DLG2: variants seen among roughly 807,000 people sequenced by gnomAD.
DLG2 encodes disks large homolog 2.
A neutral mutation model predicts 132.5 loss-of-function variants in DLG2; 45 were observed. That is an observed-to-expected ratio of 0.34 (90% CI 0.27 to 0.44). DLG2 has a LOEUF of 0.44. Ranked by LOEUF, DLG2 falls within the 20% of genes least tolerant of loss-of-function variation. The pLI, the probability that DLG2 is intolerant of heterozygous loss-of-function variation, is 1.00. For synonymous variants in DLG2, 424 were observed against 419.6 expected (o/e 1.01, Z -0.13); for missense variants, 1,045 against 1,196.9 (o/e 0.87, Z 1.87).
intron 6 of DLG2, among the ~76,000 whole-genome samples, chr11:84,986,023 A>C (rs1240978595): frequency 6.9e-6 from 1 of 145,658 alleles, no homozygotes; most frequent in Non-Finnish European, 1.5e-5. Context: ...AAAAAAGATG[A>C]AGAGAAGATA....
At chr11:84,004,942 A>G (rs1188567183) in intron 11 of DLG2, among the ~76,000 whole-genome samples, 2 of 48,734 alleles carry the variant, frequency 4.1e-5, no homozygotes, top group East Asian at 6.6e-4. Context: ...AAATTTATAT[A>G]GAATCAAAAA....
chr11:84,194,432 G>A (rs886815320), intron 8 of DLG2, among the ~76,000 whole-genome samples: 1 of 152,128 alleles, frequency 6.6e-6, no homozygotes, highest in African/African-American at 2.4e-5. Flanking sequence ...TCATAAAGGT[G>A]GCACAGACCC....
chr11:85,509,682 T>A (rs1728077386), intron 3 of DLG2, among the ~76,000 whole-genome samples: 1 of 152,098 alleles, frequency 6.6e-6, no homozygotes, highest in African/African-American at 2.4e-5. Context: ...AAATATTTAC[T>A]GCATACCTGC....
At chr11:84,813,077 C>T (rs1194712506) in intron 6 of DLG2, among the ~76,000 whole-genome samples, 2 of 152,070 alleles carry the variant, frequency 1.3e-5, no homozygotes, top group Admixed American at 6.6e-5. Flanking sequence ...CTTCTAGATC[C>T]ACTGGCATAT....
At chr11:83,972,061 G>A (rs916211603) in intron 12 of DLG2, among the ~76,000 whole-genome samples, 4 of 152,140 alleles carry the variant, frequency 2.6e-5, no homozygotes, top group African/African-American at 9.6e-5. Context: ...ACACACAGCA[G>A]CATCTCATGA....
At chr11:85,163,492 T>C (rs2078197728) in intron 4 of DLG2, among the ~76,000 whole-genome samples, 1 of 152,120 alleles carries the variant, frequency 6.6e-6, no homozygotes, top group South Asian at 2.1e-4. Flanking sequence ...CATGAAGGCT[T>C]CCTGAAAGAT....
At chr11:83,478,344 A>G (rs778483821) in intron 22 of DLG2, among the ~76,000 whole-genome samples, 15 of 152,086 alleles carry the variant, frequency 9.9e-5, no homozygotes, top group Non-Finnish European at 1.8e-4. Context: ...TCAAGCCAAT[A>G]GAGATAATTA....
chr11:83,790,100 C>A (rs551978814), intron 17 of DLG2: 11 of 978,756 alleles, frequency 1.1e-5, no homozygotes, highest in Middle Eastern at 4.6e-4. Flanking sequence ...CTGCATGAAC[C>A]GAGACACTGG....
intron 3 of DLG2, among the ~76,000 whole-genome samples, chr11:85,477,075 A>C (rs1200480498): frequency 6.6e-6 from 1 of 152,170 alleles, no homozygotes; most frequent in Non-Finnish European, 1.5e-5. Flanking sequence ...CAAATGCACT[A>C]GTTGATAGGA....
chr11:83,816,046 T>C (rs2048804697), intron 17 of DLG2, among the ~76,000 whole-genome samples: 1 of 152,160 alleles, frequency 6.6e-6, no homozygotes, highest in Non-Finnish European at 1.5e-5. Context: ...CTTTGGGACA[T>C]TTCACTTTGC....
chr11:83,681,680 G>C (rs566677385), intron 18 of DLG2, among the ~76,000 whole-genome samples: 2 of 152,198 alleles, frequency 1.3e-5, no homozygotes, highest in East Asian at 1.9e-4. Context: ...CCTCTGTTCT[G>C]TTCACACAAA....
chr11:85,346,256 C>T (rs1000153594), intron 3 of DLG2, among the ~76,000 whole-genome samples: 1 of 151,362 alleles, frequency 6.6e-6, no homozygotes, highest in African/African-American at 2.4e-5. Context: ...GGCGCTATCT[C>T]GGCTCACTGC....
intron 6 of DLG2, among the ~76,000 whole-genome samples, chr11:85,099,617 A>T (rs1275913984): frequency 6.6e-6 from 1 of 152,182 alleles, no homozygotes; most frequent in African/African-American, 2.4e-5. Context: ...GTTGTAGGAA[A>T]AGCTTTCTTA....
chr11:84,151,815 A>C (rs891468833), intron 9 of DLG2, among the ~76,000 whole-genome samples: 6 of 152,220 alleles, frequency 3.9e-5, no homozygotes, highest in African/African-American at 1.4e-4. Flanking sequence ...AAAGTCATTC[A>C]GGAATAAGTT....
chr11:83,948,146 A>T lies in DLG2; in HGVS notation c.1340+14739T>A, dbSNP rs1016772994. 3.3e-5 allele frequency among the ~76,000 whole-genome samples: 5 copies of T among 152,230 alleles called. 1 individual carries two copies. The highest frequency in any genetic ancestry group is 1.2e-4 in the African/African-American group (5 of 41,450). On this transcript the variant is annotated intron_variant, in intron 14 of 27. Transcript: ENST00000376104. ...CTCTTATCTCAAGGTGGAAAATGAG[A>T]CTTTAGAAAAAGATTAAAGCAAAAC...
intron 6 of DLG2, among the ~76,000 whole-genome samples, chr11:84,777,453 G>C (rs190660704): frequency 1.1e-3 from 170 of 151,208 alleles, no homozygotes; most frequent in African/African-American, 3.8e-3. Context: ...CTTCTCCTCT[G>C]AGCAGATAGC....
At chr11:85,145,329 A>T (rs2076769929) in intron 5 of DLG2, among the ~76,000 whole-genome samples, 1 of 152,094 alleles carries the variant, frequency 6.6e-6, no homozygotes, top group Non-Finnish European at 1.5e-5. Context: ...AAATCTGCTT[A>T]ATTTTCTATG....
chr11:84,949,142 CG>C (rs2050602367), intron 6 of DLG2, among the ~76,000 whole-genome samples: 1 of 152,098 alleles, frequency 6.6e-6, no homozygotes, highest in Admixed American at 6.5e-5. Flanking sequence ...GCTGGGCATC[CG>C]GGGGAGACAT....
At chr11:84,019,179 A>G (rs2095312025) in intron 11 of DLG2, among the ~76,000 whole-genome samples, 1 of 152,082 alleles carries the variant, frequency 6.6e-6, no homozygotes, top group African/African-American at 2.4e-5. Flanking sequence ...TGGTAAAAAA[A>G]ATGCATACAC....
Sources: gnomAD v4.1 joint callset for allele counts (sites outside exome capture counted in the v4.1 genomes callset) on GRCh38, gnomAD v4.1.1 for gene constraint, MANE v1.5 for transcripts, NCBI Gene and HGNC (gene_info 2026-07-23, HGNC 2026-07-21) for gene names.